Variants in OTOGL observed in about 807,000 individuals in gnomAD.
OTOGL encodes the protein otogelin-like protein.
Under a neutral mutation model 318.5 loss-of-function variants are expected in OTOGL, and 285 were observed. The observed-to-expected ratio is 0.89, with a 90% CI of 0.81 to 0.99. OTOGL has a LOEUF of 0.99. Among genes scored for constraint, OTOGL ranks in the 50% least tolerant of loss-of-function variants. The probability of loss-of-function intolerance (pLI) is 0.00; values close to 1 mark genes in which losing one functional copy is unlikely to be tolerated. For missense variants in OTOGL, 2,899 were observed against 2,845.6 expected, an observed-to-expected ratio of 1.02 and a Z score of -0.43; for synonymous variants, 987 against 936.5, an observed-to-expected ratio of 1.05 and a Z score of -0.99.
chr12:80,278,095 G>T (rs1883942712), intron 24 of OTOGL, 73 bp from the exon 25 acceptor site: 1 of 1,178,230 alleles, frequency 8.5e-7, no homozygotes. Flanking sequence ...GTGTTAATAT[G>T]CTAAGATTAC....
At position 80,333,300 on chromosome 12, in the gene OTOGL, A is replaced by G. The variant is rs11114405; in HGVS notation, c.4422+222A>G. Among the ~76,000 whole-genome samples, 18,786 of 151,264 alleles carry G rather than the reference A, an allele frequency of 0.12. 2,669 individuals carry two copies. The highest frequency in any genetic ancestry group is 0.35 in the African/African-American group (14,253 of 41,024). On this transcript the variant is annotated intron_variant, in intron 38 of 58. Transcript: ENST00000547103. The stretch of plus-strand genomic sequence containing the variant: ...CTAAGAAAAACAAAATTGAAATAAG[A>G]TCTTAAGTGTGATTCCTTAATAAAG...
In OTOGL at chr12:80,212,004, T is replaced by A. The variant is rs1877297550; in HGVS notation, c.168+7T>A. On this transcript the variant is annotated splice_region_variant and intron_variant, in intron 4 of 58. Coordinates refer to ENST00000547103, the MANE Select transcript of OTOGL (RefSeq NM_001378609.3). ...AGCTCTTTTAGCAGCACAGGTAGGT[T>A]ATGCTTCAGGTGGAGAGAGAGGCAG... The A allele has an allele frequency of 1.3e-6, 2 of 1,567,996 alleles. No individual in the cohort carries two copies. Among genetic ancestry groups the A allele is most frequent in the African/African-American group, 2.7e-5 (2 of 74,504 alleles).
intron 28 of OTOGL, among the ~76,000 whole-genome samples, chr12:80,303,188 C>T (rs546478441): frequency 2.6e-4 from 40 of 152,216 alleles, no homozygotes; most frequent in African/African-American, 8.9e-4. Flanking sequence ...CGGAGTCTGG[C>T]TCTGTCGCCC....
At chr12:80,114,839 G>T (rs918954510) in intron 1 of OTOGL, among the ~76,000 whole-genome samples, 1 of 151,090 alleles carries the variant, frequency 6.6e-6, no homozygotes, top group African/African-American at 2.4e-5. Flanking sequence ...CTCTAATCTT[G>T]TCTTTACACT....
intron 31 of OTOGL, among the ~76,000 whole-genome samples, chr12:80,313,850 C>T (rs1886808248): frequency 6.6e-6 from 1 of 152,104 alleles, no homozygotes; most frequent in Non-Finnish European, 1.5e-5. Context: ...TGTTTTATTG[C>T]TGTCATTGTA....
chr12:80,220,171 A>T lies in OTOGL; in HGVS notation c.334+259A>T, dbSNP rs954470323. Reference sequence around the variant, plus strand: ...GTAATAGCCTATTATTATTATTATTATTTTTTGAGACAGAGTCTCACTCTG... The same window carrying T: ...GTAATAGCCTATTATTATTATTATTTTTTTTTGAGACAGAGTCTCACTCTG... On this transcript the variant is annotated intron_variant, in intron 6 of 58. Coordinates refer to ENST00000547103, the MANE Select transcript of OTOGL (RefSeq NM_001378609.3). Among the ~76,000 whole-genome samples the T allele has an allele frequency of 5.9e-5, 9 of 151,570 alleles. 1 individual carries two copies. Among genetic ancestry groups the T allele is most frequent in the South Asian group, 4.2e-4 (2 of 4,808 alleles).
At chr12:80,243,507 A>AT (rs1050742015) in intron 11 of OTOGL, among the ~76,000 whole-genome samples, 8 of 151,866 alleles carry the variant, frequency 5.3e-5, no homozygotes, top group Non-Finnish European at 1.2e-4. Context: ...ATCTTGAAAC[A>AT]TTAAAAAAAA....
chr12:80,334,241 G>A (rs1311699727), intron 38 of OTOGL, among the ~76,000 whole-genome samples: 1 of 152,136 alleles, frequency 6.6e-6, no homozygotes, highest in Non-Finnish European at 1.5e-5. Context: ...AAGATTACAT[G>A]TGAAGTGTGA....
chr12:80,295,791 T>G (rs1885352179), intron 26 of OTOGL, among the ~76,000 whole-genome samples: 1 of 152,234 alleles, frequency 6.6e-6, no homozygotes, highest in African/African-American at 2.4e-5. Context: ...TTCGTTTTAT[T>G]TAATTATTTC....
chr12:80,371,902 AT>A, intron 56 of OTOGL, 116 bp from the exon 57 acceptor site: 2 of 355,356 alleles, frequency 5.6e-6, no homozygotes, highest in Non-Finnish European at 9.2e-6. Context: ...CTATTTTTCT[AT>A]GAAGGCTTTG....
chr12:80,369,236 A>G (rs1416744120), intron 55 of OTOGL, among the ~76,000 whole-genome samples: 2 of 152,030 alleles, frequency 1.3e-5, no homozygotes, highest in South Asian at 2.1e-4. Context: ...CCTGAATCCA[A>G]TGAGCTTATT....
chr12:80,224,401 C>CT (rs977853970), intron 7 of OTOGL, among the ~76,000 whole-genome samples: 4 of 151,630 alleles, frequency 2.6e-5, no homozygotes, highest in African/African-American at 9.7e-5. Flanking sequence ...GGCTATGTGG[C>CT]TTTTTTGGTT....
In OTOGL at chr12:80,131,361, T is replaced by C. The variant is rs186121281; in HGVS notation, c.-20+31756T>C. Among the ~76,000 whole-genome samples the C allele has an allele frequency of 6.6e-3, 998 of 152,304 alleles. 13 individuals carry two copies. The highest frequency in any genetic ancestry group is 0.023 in the African/African-American group (955 of 41,582). ...CCAAGAGTATACATGCTGGAGGCTTTCCCAAAAGGGAGAATAGAATATTGT... is the reference window on the plus strand; with the variant it reads ...CCAAGAGTATACATGCTGGAGGCTTCCCCAAAAGGGAGAATAGAATATTGT... On this transcript the variant is annotated intron_variant, in intron 1 of 58. Transcript: ENST00000547103.
intron 55 of OTOGL, 81 bp downstream of exon 55, chr12:80,368,390 C>CCCCA (rs386377123): frequency 9.1e-6 from 8 of 880,964 alleles, no homozygotes; most frequent in Non-Finnish European, 1.4e-5. Context: ...ATGTCCCCCC[C>CCCCA]CACACACACT....
chr12:80,282,569 C>T (rs1157371226), intron 26 of OTOGL, among the ~76,000 whole-genome samples: 4 of 148,976 alleles, frequency 2.7e-5, no homozygotes, highest in South Asian at 2.1e-4. Flanking sequence ...GGATTATTTT[C>T]GGAGCCTACG....
chr12:80,180,987 G>T (rs1874880370), intron 1 of OTOGL, among the ~76,000 whole-genome samples: 1 of 152,138 alleles, frequency 6.6e-6, no homozygotes, highest in East Asian at 1.9e-4. Flanking sequence ...GGTGGTTAAG[G>T]TGAGGCATAT....
chr12:80,319,473 G>A (rs1887185820), intron 33 of OTOGL, among the ~76,000 whole-genome samples: 1 of 152,112 alleles, frequency 6.6e-6, no homozygotes, highest in Non-Finnish European at 1.5e-5. Flanking sequence ...TATATTTCCT[G>A]TAAAAAGAAC....
chr12:80,103,580 G>A (rs1270550690), intron 1 of OTOGL, among the ~76,000 whole-genome samples: 2 of 152,174 alleles, frequency 1.3e-5, no homozygotes, highest in Non-Finnish European at 2.9e-5. Flanking sequence ...CATTTAAAAT[G>A]TAATTGAATA....
Position 80,116,684 on chromosome 12 carries a change from A to G in OTOGL, c.-20+17079A>G, listed in dbSNP as rs370103347. Among the ~76,000 whole-genome samples the G allele has an allele frequency of 4.6e-5, 7 of 152,314 alleles. No individual in the cohort carries two copies. The East Asian group carries it at 9.7e-4, about 21-fold the overall frequency. On this transcript the variant is annotated intron_variant, in intron 1 of 58. Transcript: ENST00000547103. The stretch of plus-strand genomic sequence containing the variant: ...CAATCCCAGGAAAGCTGGTGTGGGT[A>G]AAAGGAGAATGAGACGAGGAAGAAA...
Sources: gnomAD v4.1 joint callset for allele counts (sites outside exome capture counted in the v4.1 genomes callset) on GRCh38, gnomAD v4.1.1 for gene constraint, MANE v1.5 for transcripts, NCBI Gene and HGNC (gene_info 2026-07-23, HGNC 2026-07-21) for gene names.